Variants in UNC5D observed in about 807,000 individuals in gnomAD.
UNC5D encodes unc-5 netrin receptor D.
In UNC5D, 39 loss-of-function variants were observed where a neutral mutation model predicts 105.4. The ratio of observed to expected loss-of-function variants is 0.37; its 90% CI spans 0.29 to 0.48. The LOEUF (loss-of-function observed/expected upper bound fraction) is 0.48. Among genes scored for constraint, UNC5D ranks in the 20% least tolerant of loss-of-function variants. The pLI, the probability that UNC5D is intolerant of heterozygous loss-of-function variation, is 0.98. For missense variants in UNC5D, 991 were observed against 1,202.4 expected (o/e 0.82, Z 2.60); for synonymous variants, 452 against 450.4 (o/e 1.00, Z -0.04).
At position 35,792,867 on chromosome 8, in the gene UNC5D, G is replaced by C. The variant is rs1378155563; in HGVS notation, c.*2304G>C. ...GATACATTTTAAGTATTTTTAAATAGATGAAAATTCTAAATGATTTTCCCT... is the reference window on the plus strand; with the variant it reads ...GATACATTTTAAGTATTTTTAAATACATGAAAATTCTAAATGATTTTCCCT... On this transcript the variant is annotated 3_prime_UTR_variant, in exon 17 of 17. Coordinates refer to ENST00000404895, the MANE Select transcript of UNC5D (RefSeq NM_080872.4). The C allele has an allele frequency of 2.8e-6, 1 of 353,876 alleles. No individual in the cohort carries two copies. Among genetic ancestry groups the C allele is most frequent in the East Asian group, 7.8e-5 (1 of 12,838 alleles). 21.9% of individuals were successfully genotyped at this position (353,876 alleles called of 1,614,324 possible).
intron 1 of UNC5D, among the ~76,000 whole-genome samples, chr8:35,335,914 C>T (rs992299733): frequency 2.0e-5 from 3 of 151,840 alleles, no homozygotes; most frequent in Non-Finnish European, 4.4e-5. Flanking sequence ...CAGGTGCCCA[C>T]CACCACGCCC....
intron 1 of UNC5D, among the ~76,000 whole-genome samples, chr8:35,505,106 C>T (rs1812221961): frequency 6.6e-6 from 1 of 152,192 alleles, no homozygotes; most frequent in African/African-American, 2.4e-5. Context: ...GATTATTATA[C>T]ATCACATGCC....
At chr8:35,592,224 C>G (rs548000176) in intron 3 of UNC5D, among the ~76,000 whole-genome samples, 2 of 152,246 alleles carry the variant, frequency 1.3e-5, no homozygotes, top group Admixed American at 6.5e-5. Flanking sequence ...ATTTATAACT[C>G]TCTACTCTAG....
chr8:35,551,815 TAAAAAAAA>T (rs202035262), intron 2 of UNC5D, among the ~76,000 whole-genome samples: 4 of 139,564 alleles, frequency 2.9e-5, no homozygotes, highest in African/African-American at 1.1e-4. Context: ...AGACTCCGTC[TAAAAAAAA>T]AAAGAAAAAA....
chr8:35,736,151 G>A (rs1412091916), intron 11 of UNC5D, among the ~76,000 whole-genome samples: 4 of 152,096 alleles, frequency 2.6e-5, no homozygotes, highest in Non-Finnish European at 5.9e-5. Context: ...CCAAGCCCAG[G>A]AGTTTGAGAC....
At chr8:35,449,483 A>G (rs999565958) in intron 1 of UNC5D, among the ~76,000 whole-genome samples, 5 of 152,080 alleles carry the variant, frequency 3.3e-5, no homozygotes, top group African/African-American at 1.2e-4. Flanking sequence ...AGCATCTTTT[A>G]TAGTGCTTTG....
At position 35,609,011 on chromosome 8, in the gene UNC5D, T is replaced by C. The variant is rs556561566; in HGVS notation, c.570+13354T>C. Among the ~76,000 whole-genome samples the C allele has an allele frequency of 1.7e-3, 254 of 152,304 alleles. 1 individual carries two copies. Among genetic ancestry groups the C allele is most frequent in the African/African-American group, 5.9e-3 (247 of 41,566 alleles). On this transcript the variant is annotated intron_variant, in intron 4 of 16. Coordinates refer to ENST00000404895, the MANE Select transcript of UNC5D (RefSeq NM_080872.4). Reference sequence around the variant, plus strand: ...ATTTTTCATAGAGGTTGTACTAATATACATTCCCACCAACACTGTATAAAA... The same window carrying C: ...ATTTTTCATAGAGGTTGTACTAATACACATTCCCACCAACACTGTATAAAA...
At chr8:35,325,571 A>C (rs2128889858) in intron 1 of UNC5D, among the ~76,000 whole-genome samples, 1 of 152,304 alleles carries the variant, frequency 6.6e-6, no homozygotes, top group South Asian at 2.1e-4. Context: ...TATAGTACTT[A>C]GTAGCAAAGG....
intron 11 of UNC5D, among the ~76,000 whole-genome samples, chr8:35,746,391 G>A (rs964742578): frequency 3.9e-5 from 6 of 152,106 alleles, no homozygotes; most frequent in Non-Finnish European, 7.4e-5. Flanking sequence ...AGAGATTTTT[G>A]TGAAGTTCCG....
intron 1 of UNC5D, among the ~76,000 whole-genome samples, chr8:35,511,278 T>C (rs1361786688): frequency 6.6e-6 from 1 of 152,080 alleles, no homozygotes. Flanking sequence ...TTAGGACCAG[T>C]ATATAAAATC....
At chr8:35,782,689 G>A (rs1802558351) in intron 16 of UNC5D, among the ~76,000 whole-genome samples, 2 of 152,112 alleles carry the variant, frequency 1.3e-5, no homozygotes, top group African/African-American at 2.4e-5. Flanking sequence ...ATTTTTAGTA[G>A]AGACGGGATT....
intron 1 of UNC5D, among the ~76,000 whole-genome samples, chr8:35,335,090 T>C (rs1349171564): frequency 6.6e-6 from 1 of 152,250 alleles, no homozygotes; most frequent in African/African-American, 2.4e-5. Flanking sequence ...TGTTTGAGGT[T>C]CTTCTATGCT....
At chr8:35,684,511 G>A (rs1255243065) in intron 5 of UNC5D, 71 bp from the exon 6 acceptor site, 1 of 1,557,290 alleles carries the variant, frequency 6.4e-7, no homozygotes, top group African/African-American at 1.4e-5. Context: ...TGGCACAGTG[G>A]CTTGCACATA....
At chr8:35,728,689 C>T (rs1032132801) in intron 10 of UNC5D, among the ~76,000 whole-genome samples, 3 of 152,184 alleles carry the variant, frequency 2.0e-5, no homozygotes, top group African/African-American at 7.2e-5. Flanking sequence ...CTAATGCCAT[C>T]CATCCTAAAT....
At chr8:35,543,479 GCTTAACC>G (rs1481548853) in intron 1 of UNC5D, among the ~76,000 whole-genome samples, 2 of 152,114 alleles carry the variant, frequency 1.3e-5, no homozygotes, top group Non-Finnish European at 2.9e-5. Context: ...AGTTTATTAT[GCTTAACC>G]CTATTAGAAT....
At chr8:35,494,160 TACAAAC>T (rs1421279229) in intron 1 of UNC5D, among the ~76,000 whole-genome samples, 2 of 152,122 alleles carry the variant, frequency 1.3e-5, no homozygotes, top group African/African-American at 4.8e-5. Flanking sequence ...TAAAGAAATA[TACAAAC>T]TACCTTTTCT....
rs117249238 is a variant in UNC5D, at chr8:35,403,041, G to C, written c.104-146251G>C. 2.8e-3 allele frequency among the ~76,000 whole-genome samples: 433 copies of C among 152,262 alleles called. 4 individuals are homozygous for C. The highest frequency in any genetic ancestry group is 0.028 in the East Asian group (144 of 5,178). Reference sequence around the variant, plus strand: ...TACAAGATGGACACTATCAGGTTCTGGGAGTCAGGGAATACATGAGCTAAC... The same window carrying C: ...TACAAGATGGACACTATCAGGTTCTCGGAGTCAGGGAATACATGAGCTAAC... On this transcript the variant is annotated intron_variant, in intron 1 of 16. Coordinates refer to ENST00000404895, the MANE Select transcript of UNC5D (RefSeq NM_080872.4).
At chr8:35,717,871 T>A (rs966922205) in intron 8 of UNC5D, among the ~76,000 whole-genome samples, 2 of 152,194 alleles carry the variant, frequency 1.3e-5, no homozygotes, top group African/African-American at 4.8e-5. Context: ...GTATTCAAGA[T>A]CACCAGGAAG....
chr8:35,605,254 C>T (rs1820207572), intron 4 of UNC5D, among the ~76,000 whole-genome samples: 1 of 152,124 alleles, frequency 6.6e-6, no homozygotes, highest in African/African-American at 2.4e-5. Context: ...GTTAGTTTTC[C>T]TTCTAACAGT....
Sources: gnomAD v4.1 joint callset for allele counts (sites outside exome capture counted in the v4.1 genomes callset) on GRCh38, gnomAD v4.1.1 for gene constraint, MANE v1.5 for transcripts, NCBI Gene and HGNC (gene_info 2026-07-23, HGNC 2026-07-21) for gene names.